Variants in WDR72 observed in about 807,000 individuals in gnomAD.
The protein encoded by WDR72 is WD repeat-containing protein 72.
A neutral mutation model predicts 124.2 loss-of-function variants in WDR72; 120 were observed. The observed-to-expected ratio is 0.97, with a 90% CI of 0.83 to 1.12. WDR72 has a LOEUF of 1.12. Among genes scored for constraint, WDR72 ranks in the 50% most tolerant of loss-of-function variants. WDR72 has a pLI of 0.00. For synonymous variants in WDR72, 452 were observed against 441.7 expected, an observed-to-expected ratio of 1.02 and a Z score of -0.29; for missense variants, 1,387 against 1,278.8, an observed-to-expected ratio of 1.08 and a Z score of -1.29.
At chr15:53,665,887 C>G in intron 13 of WDR72, 119 bp from the exon 14 acceptor site, 1 of 967,714 alleles carries the variant, frequency 1.0e-6, no homozygotes, top group Non-Finnish European at 1.6e-6. Flanking sequence ...GCCTTAGTAT[C>G]TTGCAACTGA....
chr15:53,714,602 G>A, intron 5 of WDR72, 92 bp from the exon 6 acceptor site: 1 of 979,778 alleles, frequency 1.0e-6, no homozygotes, highest in African/African-American at 1.6e-5. Context: ...ATTACGCAGG[G>A]CTGTGTAGAT....
rs546171035 is a variant in WDR72, at chr15:53,715,440, T to C, written c.340-73A>G. The C allele has an allele frequency of 3.8e-6, 6 of 1,562,954 alleles. No individual in the cohort carries two copies. The East Asian group carries it at 1.4e-4, about 36-fold the overall frequency. ...ACATAATTTGGCTACATTGAAGATTTCTCTAGACTTTAGTTTTAGCATATG... is the reference window on the plus strand; with the variant it reads ...ACATAATTTGGCTACATTGAAGATTCCTCTAGACTTTAGTTTTAGCATATG... On this transcript the variant is annotated intron_variant, in intron 4 of 19. Transcript: ENST00000360509.
chr15:53,745,976 A>G (rs543523307), intron 1 of WDR72, among the ~76,000 whole-genome samples: 6 of 152,268 alleles, frequency 3.9e-5, no homozygotes, highest in Non-Finnish European at 7.4e-5. Flanking sequence ...TTGCGATGTG[A>G]AATTCCTTCG....
chr15:53,714,059 C>T (rs1255742670), intron 6 of WDR72, among the ~76,000 whole-genome samples: 2 of 152,112 alleles, frequency 1.3e-5, no homozygotes, highest in African/African-American at 2.4e-5. Context: ...CAGGGACATG[C>T]CCCTCAAGTT....
rs5812689 is a variant in WDR72 at position 53,515,106 on chromosome 15, C to CACACAAAAAA, written c.*2592_*2593insTTTTTTGTGT. The stretch of plus-strand genomic sequence containing the variant: ...ATGTATACACACACACACACACACA[C>CACACAAAAAA]AAATACATTCATAAATATCACCAAG... On this transcript the variant is annotated 3_prime_UTR_variant, in exon 20 of 20. Coordinates refer to ENST00000360509, the MANE Select transcript of WDR72 (RefSeq NM_182758.4). 1 of 134,094 alleles carries CACACAAAAAA rather than the reference C, an allele frequency of 7.5e-6. No homozygotes were observed. Among genetic ancestry groups the CACACAAAAAA allele is most frequent in the African/African-American group, 2.6e-5 (1 of 38,428 alleles). The allele number at this position is 134,094 out of a possible 1,614,324, so 8.3% of individuals were successfully genotyped here.
In WDR72 at chr15:53,613,582, C is replaced by T. The variant is rs35292476; in HGVS notation, c.2872+84G>A. 0.45 allele frequency: 401,341 copies of T among 901,834 alleles called. 91,808 individuals are homozygous for T. The highest frequency in any genetic ancestry group is 0.56 in the Middle Eastern group (2,561 of 4,566). 55.9% of individuals were successfully genotyped at this position (901,834 alleles called of 1,614,324 possible). A position where few individuals can be genotyped will look rare whatever the true frequency, so the allele number is the denominator to read the frequency against. The stretch of plus-strand genomic sequence containing the variant: ...TTTATATATGTTATTTATTTTGACA[C>T]TGCTAACCAGTTATAGAAAGACTAG... On this transcript the variant is annotated intron_variant, in intron 16 of 19. Transcript: ENST00000360509.
intron 18 of WDR72, among the ~76,000 whole-genome samples, chr15:53,570,668 G>C (rs1029500745): frequency 1.1e-4 from 17 of 152,064 alleles, no homozygotes; most frequent in African/African-American, 3.6e-4. Context: ...GTGGAAAGCA[G>C]TTTGGAGGTC....
At chr15:53,603,439 C>T (rs1016408288) in intron 17 of WDR72, among the ~76,000 whole-genome samples, 2 of 152,104 alleles carry the variant, frequency 1.3e-5, no homozygotes, top group African/African-American at 4.8e-5. Context: ...GACAAGGATG[C>T]CCTCTCTTAC....
At chr15:53,722,081 T>C (rs1343887406) in intron 3 of WDR72, among the ~76,000 whole-genome samples, 1 of 152,060 alleles carries the variant, frequency 6.6e-6, no homozygotes, top group East Asian at 1.9e-4. Context: ...TCGCCCAGGC[T>C]GGAGTGCAGT....
chr15:53,756,282 C>T (rs1364621884), intron 1 of WDR72, among the ~76,000 whole-genome samples: 2 of 152,186 alleles, frequency 1.3e-5, no homozygotes, highest in Non-Finnish European at 2.9e-5. Flanking sequence ...CATTCTCTCT[C>T]CTGCAACCCT....
chr15:53,745,047 A>AAAAAAAG, intron 1 of WDR72, among the ~76,000 whole-genome samples: 1 of 150,632 alleles, frequency 6.6e-6, no homozygotes, highest in South Asian at 2.1e-4. Context: ...AAAAAAAAAA[A>AAAAAAAG]GGGCAAGAAA....
intron 18 of WDR72, among the ~76,000 whole-genome samples, chr15:53,555,083 C>T (rs1329634614): frequency 1.3e-5 from 2 of 151,934 alleles, no homozygotes; most frequent in Non-Finnish European, 2.9e-5. Context: ...GTCAAGGAAA[C>T]TGATACGGAG....
intron 1 of WDR72, among the ~76,000 whole-genome samples, chr15:53,755,299 A>G (rs2018871579): frequency 1.3e-5 from 2 of 152,244 alleles, no homozygotes; most frequent in Admixed American, 1.3e-4. Context: ...AAGAGGAGAA[A>G]TAATTATCTG....
upstream of WDR72, among the ~76,000 whole-genome samples, chr15:53,759,945 G>A (rs1197960476): frequency 1.3e-5 from 2 of 151,978 alleles, no homozygotes; most frequent in Non-Finnish European, 2.9e-5. Context: ...TTAGTTAGGG[G>A]GGGTTAGATC....
rs1332442828 is a variant in WDR72, at chr15:53,517,549, C to T, written c.*150G>A. On this transcript the variant is annotated 3_prime_UTR_variant, in exon 20 of 20. Transcript: ENST00000360509. The stretch of plus-strand genomic sequence containing the variant: ...TTGTAATCAGCATGTATTAAAATCA[C>T]TTTAATACATGTTGGCTAAAGTATT... 1.0e-5 allele frequency: 8 copies of T among 770,754 alleles called. No homozygotes were observed. Among genetic ancestry groups the T allele is most frequent in the South Asian group, 1.4e-5 (1 of 69,326 alleles). 47.7% of individuals were successfully genotyped at this position (770,754 alleles called of 1,614,324 possible).
chr15:53,636,725 G>A (rs1365803119), intron 14 of WDR72, among the ~76,000 whole-genome samples: 1 of 152,112 alleles, frequency 6.6e-6, no homozygotes. Context: ...CGTCTTGTGG[G>A]TTCCAAGATA....
chr15:53,611,046 C>T (rs1045865732), intron 16 of WDR72, among the ~76,000 whole-genome samples: 1 of 152,100 alleles, frequency 6.6e-6, no homozygotes, highest in Non-Finnish European at 1.5e-5. Context: ...GAATTAATTG[C>T]AACTTTAGGG....
intron 18 of WDR72, among the ~76,000 whole-genome samples, chr15:53,529,164 A>ATATATATATATATATTTTTTTTTTT (rs59003623): frequency 1.3e-5 from 1 of 78,168 alleles, no homozygotes; most frequent in African/African-American, 5.0e-5. Flanking sequence ...ATATATATAT[A>ATATATATATATATATTTTTTTTTTT]TTTTTTTTTT....
At chr15:53,706,350 GTATATATATATATATATATA>G (rs56246540) in intron 9 of WDR72, among the ~76,000 whole-genome samples, 3 of 25,764 alleles carry the variant, frequency 1.2e-4, no homozygotes, top group Non-Finnish European at 1.5e-4. Context: ...GTGTGTGTGT[GTATATATATATATATATATA>G]TATATATATA....
Sources: gnomAD v4.1 joint callset for allele counts (sites outside exome capture counted in the v4.1 genomes callset) on GRCh38, gnomAD v4.1.1 for gene constraint, MANE v1.5 for transcripts, NCBI Gene and HGNC (gene_info 2026-07-23, HGNC 2026-07-21) for gene names.